DNAH17: variants seen among roughly 807,000 people sequenced by gnomAD.
The protein encoded by DNAH17 is axonemal beta dynein heavy chain 17.
Under a neutral mutation model 485.6 loss-of-function variants are expected in DNAH17, and 376 were observed. That is an observed-to-expected ratio of 0.77 (90% confidence interval 0.71 to 0.84). DNAH17 has a LOEUF of 0.84. Among genes scored for constraint, DNAH17 ranks in the 40% least tolerant of loss-of-function variants. DNAH17 has a pLI of 0.00. For missense variants in DNAH17, 6,370 were observed against 5,839.3 expected (o/e 1.09, Z -2.96); for synonymous variants, 3,031 against 2,405.9 (o/e 1.26, Z -7.60).
intron 56 of DNAH17, among the ~76,000 whole-genome samples, chr17:78,465,958 G>A (rs567176288): frequency 3.9e-5 from 6 of 152,324 alleles, no homozygotes; most frequent in Admixed American, 1.3e-4. Flanking sequence ...GAGCGGGCCA[G>A]GATGACAGTG....
At chr17:78,438,083 A>G (rs1364521330) in intron 73 of DNAH17, among the ~76,000 whole-genome samples, 2 of 151,992 alleles carry the variant, frequency 1.3e-5, no homozygotes, top group Non-Finnish European at 2.9e-5. Context: ...GAGGCCCCAG[A>G]ATCTATTTTT....
At chr17:78,506,163 C>T (rs1296955099) in intron 30 of DNAH17, among the ~76,000 whole-genome samples, 4 of 104,990 alleles carry the variant, frequency 3.8e-5, no homozygotes, top group African/African-American at 1.5e-4. Context: ...TTTTTTGAGA[C>T]AGAGTCTCAC....
At chr17:78,513,107 C>A (rs1045949589) in intron 26 of DNAH17, among the ~76,000 whole-genome samples, 1 of 152,006 alleles carries the variant, frequency 6.6e-6, no homozygotes, top group South Asian at 2.1e-4. Context: ...ATGAACCCCC[C>A]CTCTGCTAGG....
intron 38 of DNAH17, among the ~76,000 whole-genome samples, 185 bp from the exon 39 acceptor site, chr17:78,495,282 A>T (rs2090028840): frequency 1.3e-5 from 2 of 151,614 alleles, no homozygotes; most frequent in Admixed American, 1.3e-4. Flanking sequence ...CTCCTCCCAC[A>T]TCATCCACTG....
intron 36 of DNAH17, 59 bp downstream of exon 36, chr17:78,500,246 T>G: frequency 2.0e-6 from 3 of 1,532,192 alleles, no homozygotes; most frequent in Non-Finnish European, 2.6e-6. Context: ...GACAGGGTGC[T>G]AGGATCTGCT....
At chr17:78,460,709 C>A (rs867873112) in intron 58 of DNAH17, among the ~76,000 whole-genome samples, 1 of 152,184 alleles carries the variant, frequency 6.6e-6, no homozygotes, top group Non-Finnish European at 1.5e-5. Flanking sequence ...TTCCTTCTAT[C>A]GGCTTGAGCT....
chr17:78,493,172 C>T (rs1005502854), intron 41 of DNAH17: 2 of 168,202 alleles, frequency 1.2e-5, no homozygotes, highest in African/African-American at 2.4e-5. Flanking sequence ...TTATGAACCA[C>T]CAGGCTGAAC....
At chr17:78,537,183 A>G in intron 19 of DNAH17, 116 bp downstream of exon 19, 2 of 1,188,800 alleles carry the variant, frequency 1.7e-6, no homozygotes, top group Non-Finnish European at 2.2e-6. Context: ...GTCTCAAAAA[A>G]AAAAAAAGAA....
Position 78,551,562 on chromosome 17 carries a change from A to G in DNAH17, c.2364T>C (p.Asn788=), listed in dbSNP as rs765794119. The G allele has an allele frequency of 1.2e-6, 2 of 1,613,906 alleles. No individual in the cohort carries two copies. Among genetic ancestry groups the G allele is most frequent in the East Asian group, 2.2e-5 (1 of 44,866 alleles). ...LQNRMQKAKQ[N]IEGISQAMKD... ...TCATAGCCTGGGAAATTCCTTCTATATTTTGTTTTGCCTTTTGCATCCTGT... is the reference window on the plus strand; with the variant it reads ...TCATAGCCTGGGAAATTCCTTCTATGTTTTGTTTTGCCTTTTGCATCCTGT... Residue 788 remains asparagine, a synonymous_variant, in exon 16 of 81, where the codon AAT becomes AAC. Coordinates refer to ENST00000389840, the MANE Select transcript of DNAH17 (RefSeq NM_173628.4).
chr17:78,424,385 G>A (rs1245244927), intron 80 of DNAH17: 1 of 493,636 alleles, frequency 2.0e-6, no homozygotes, highest in Non-Finnish European at 3.6e-6. Flanking sequence ...AAGCCCTCGG[G>A]TTCCATCCGT....
chr17:78,463,283 G>C (rs774478427), intron 56 of DNAH17, among the ~76,000 whole-genome samples: 1 of 152,192 alleles, frequency 6.6e-6, no homozygotes, highest in African/African-American at 2.4e-5. Context: ...TTAGCTCAGC[G>C]CACAGGACAC....
chr17:78,501,061 C>T, intron 35 of DNAH17, 123 bp downstream of exon 35: 3 of 1,155,776 alleles, frequency 2.6e-6, no homozygotes, highest in South Asian at 3.8e-5. Context: ...AACACAGGTC[C>T]ACCTGACGCA....
intron 26 of DNAH17, among the ~76,000 whole-genome samples, chr17:78,513,051 C>T (rs183400252): frequency 1.3e-5 from 2 of 152,026 alleles, no homozygotes; most frequent in East Asian, 3.9e-4. Flanking sequence ...CTCACCTCAT[C>T]CTGCTGTAAA....
chr17:78,503,888 C>T (rs775262931), intron 31 of DNAH17, among the ~76,000 whole-genome samples: 2 of 151,936 alleles, frequency 1.3e-5, no homozygotes, highest in Non-Finnish European at 2.9e-5. Context: ...ATCACTTGAA[C>T]CCGAGAAGTG....
chr17:78,519,083 G>A (rs1189616003), intron 25 of DNAH17, among the ~76,000 whole-genome samples: 1 of 149,838 alleles, frequency 6.7e-6, no homozygotes, highest in Non-Finnish European at 1.5e-5. Context: ...CAGGAGAATG[G>A]CGTGAACCCA....
At chr17:78,576,437 G>T (rs981407510) in intron 1 of DNAH17, among the ~76,000 whole-genome samples, 2 of 152,150 alleles carry the variant, frequency 1.3e-5, no homozygotes, top group African/African-American at 4.8e-5. Flanking sequence ...AAAGCCACCC[G>T]ATTCAGGCAC....
At chr17:78,433,951 A>AGGAGGGAGGGAAGGAGGGAGGGAAGGAG in intron 75 of DNAH17, 78 bp downstream of exon 75, 1 of 1,008,646 alleles carries the variant, frequency 9.9e-7, no homozygotes, top group South Asian at 1.8e-5. Flanking sequence ...GAGGGAGGGA[A>AGGAGGGAGGGAAGGAGGGAGGGAAGGAG]GGAGGGAGGG....
chr17:78,493,875 C>A, intron 41 of DNAH17, 161 bp downstream of exon 41: 1 of 1,055,918 alleles, frequency 9.5e-7, no homozygotes, highest in Non-Finnish European at 1.3e-6. Flanking sequence ...CCTCCTCGGC[C>A]CCCAGCTTCC....
At chr17:78,564,818 T>C (rs555213879) in intron 11 of DNAH17, among the ~76,000 whole-genome samples, 1 of 152,022 alleles carries the variant, frequency 6.6e-6, no homozygotes, top group African/African-American at 2.4e-5. Flanking sequence ...GACATTAGTA[T>C]ACAAATGAAT....
Sources: allele counts gnomAD v4.1 joint callset (sites outside exome capture counted in the v4.1 genomes callset), GRCh38; gene constraint gnomAD v4.1.1; transcripts MANE v1.5; gene names NCBI Gene and HGNC (gene_info 2026-07-23, HGNC 2026-07-21).